Variants in ENOX1 observed in about 807,000 individuals in gnomAD.
ENOX1 encodes the protein candidate growth-related and time keeping constitutive hydroquinone (NADH) oxidase.
ENOX1 carries 42 observed loss-of-function variants against 82.5 expected under a neutral mutation model. The ratio of observed to expected loss-of-function variants is 0.51; its 90% CI spans 0.40 to 0.66. The LOEUF (loss-of-function observed/expected upper bound fraction) is 0.66. Ranked by LOEUF, ENOX1 falls within the 30% of genes least tolerant of loss-of-function variation. The pLI, the probability that ENOX1 is intolerant of heterozygous loss-of-function variation, is 0.00. For synonymous variants in ENOX1, 271 were observed against 282.2 expected (o/e 0.96, Z 0.40); for missense variants, 608 against 811.6 (o/e 0.75, Z 3.05).
At chr13:43,393,820 G>A (rs533292175) in intron 5 of ENOX1, among the ~76,000 whole-genome samples, 12 of 152,278 alleles carry the variant, frequency 7.9e-5, no homozygotes, top group Middle Eastern at 3.4e-3. Context: ...ATCTCATGTC[G>A]AAATATGATC....
At chr13:43,433,670 A>G (rs2055824248) in intron 3 of ENOX1, among the ~76,000 whole-genome samples, 1 of 152,214 alleles carries the variant, frequency 6.6e-6, no homozygotes, top group Non-Finnish European at 1.5e-5. Context: ...CTATGACGTG[A>G]TGCACTCTGA....
intron 2 of ENOX1, among the ~76,000 whole-genome samples, chr13:43,617,598 C>T (rs921333451): frequency 1.3e-5 from 2 of 152,072 alleles, no homozygotes; most frequent in Non-Finnish European, 2.9e-5. Flanking sequence ...TTTATATATA[C>T]CACGGTTTCT....
chr13:43,628,245 T>G (rs2083053995), intron 2 of ENOX1, among the ~76,000 whole-genome samples: 1 of 152,146 alleles, frequency 6.6e-6, no homozygotes, highest in Admixed American at 6.6e-5. Flanking sequence ...TGTTAGATGT[T>G]TTGTTATAAT....
chr13:43,273,496 C>A (rs2044818402), intron 12 of ENOX1, among the ~76,000 whole-genome samples: 1 of 152,198 alleles, frequency 6.6e-6, no homozygotes, highest in Non-Finnish European at 1.5e-5. Context: ...GTTTACCACT[C>A]AGAATTCTGC....
At chr13:43,686,984 G>C (rs556788979) in intron 1 of ENOX1, among the ~76,000 whole-genome samples, 3 of 118,266 alleles carry the variant, frequency 2.5e-5, no homozygotes, top group Admixed American at 7.8e-5. Context: ...CACTTCCTCC[G>C]CTCCTCACAA....
chr13:43,303,042 A>T (rs1291003398), intron 11 of ENOX1, among the ~76,000 whole-genome samples: 1 of 152,212 alleles, frequency 6.6e-6, no homozygotes, highest in Non-Finnish European at 1.5e-5. Context: ...CTCTGTGTTT[A>T]ACATTCCCCC....
At chr13:43,660,243 A>G (rs2084653931) in intron 2 of ENOX1, among the ~76,000 whole-genome samples, 1 of 152,200 alleles carries the variant, frequency 6.6e-6, no homozygotes, top group Non-Finnish European at 1.5e-5. Context: ...CCCAAATCCC[A>G]AAGTGCTGTA....
intron 2 of ENOX1, among the ~76,000 whole-genome samples, chr13:43,542,391 C>G (rs1460602420): frequency 6.6e-6 from 1 of 150,842 alleles, no homozygotes; most frequent in African/African-American, 2.4e-5. Context: ...CTCAGACTCC[C>G]AAAGTGCTGG....
chr13:43,355,379 G>A (rs2050081134), intron 8 of ENOX1, among the ~76,000 whole-genome samples: 1 of 152,262 alleles, frequency 6.6e-6, no homozygotes, highest in Admixed American at 6.5e-5. Context: ...CCCTTCAACT[G>A]CATCTCTGAA....
chr13:43,226,787 A>G (rs1049893063), intron 15 of ENOX1, among the ~76,000 whole-genome samples: 6 of 152,126 alleles, frequency 3.9e-5, no homozygotes, highest in African/African-American at 1.4e-4. Context: ...GGGTTCTCCC[A>G]GGGAGGTGAG....
chr13:43,321,693 A>G (rs1466473792), intron 11 of ENOX1, among the ~76,000 whole-genome samples: 1 of 152,248 alleles, frequency 6.6e-6, no homozygotes, highest in Admixed American at 6.5e-5. Context: ...GGTTCTTCCT[A>G]GGTCCTTCGG....
At chr13:43,298,267 C>G (rs1269848176) in intron 12 of ENOX1, 79 bp downstream of exon 12, 1 of 1,420,808 alleles carries the variant, frequency 7.0e-7, no homozygotes, top group Non-Finnish European at 9.4e-7. Context: ...CCCTTTCCAG[C>G]ACACGGCTGC....
At chr13:43,781,566 T>C (rs906715199) in intron 1 of ENOX1, among the ~76,000 whole-genome samples, 1 of 151,954 alleles carries the variant, frequency 6.6e-6, no homozygotes, top group Admixed American at 6.6e-5. Context: ...CAGGCTGGAG[T>C]GCAATGGCGC....
At chr13:43,529,001 C>G (rs1404619500) in intron 2 of ENOX1, among the ~76,000 whole-genome samples, 3 of 151,908 alleles carry the variant, frequency 2.0e-5, no homozygotes, top group Non-Finnish European at 1.5e-5. Flanking sequence ...ATAATGATAA[C>G]AGAAGCTAAT....
intron 3 of ENOX1, among the ~76,000 whole-genome samples, chr13:43,441,014 C>T (rs372148188): frequency 6.6e-6 from 1 of 152,138 alleles, no homozygotes; most frequent in Non-Finnish European, 1.5e-5. Flanking sequence ...GAACATCACA[C>T]AAACCCAAAT....
At chr13:43,322,314 C>T in intron 11 of ENOX1, 70 bp downstream of exon 11, 1 of 1,213,244 alleles carries the variant, frequency 8.2e-7, no homozygotes, top group Non-Finnish European at 1.2e-6. Context: ...GGGCCATTTA[C>T]TTATTCCCCA....
intron 14 of ENOX1, among the ~76,000 whole-genome samples, chr13:43,264,040 CAA>C (rs1175078390): frequency 1.3e-5 from 2 of 152,202 alleles, no homozygotes; most frequent in Non-Finnish European, 2.9e-5. Flanking sequence ...TCCCCAAAAC[CAA>C]ACCCAAGTCC....
At chr13:43,389,713 T>C (rs1013554878) in intron 5 of ENOX1, among the ~76,000 whole-genome samples, 10 of 152,234 alleles carry the variant, frequency 6.6e-5, no homozygotes, top group African/African-American at 2.2e-4. Context: ...TTTAACTTTC[T>C]CTAGCCCTAA....
intron 1 of ENOX1, among the ~76,000 whole-genome samples, chr13:43,779,109 A>C (rs559962299): frequency 2.6e-5 from 4 of 151,994 alleles, no homozygotes; most frequent in African/African-American, 9.7e-5. Context: ...CTAAGCTGCA[A>C]ATCTAAGGAG....
Sources: allele counts gnomAD v4.1 joint callset (sites outside exome capture counted in the v4.1 genomes callset), GRCh38; gene constraint gnomAD v4.1.1; transcripts MANE v1.5; gene names NCBI Gene and HGNC (gene_info 2026-07-23, HGNC 2026-07-21).